Variants in APBA2 observed in about 807,000 individuals in gnomAD.
The protein encoded by APBA2 is amyloid-beta A4 precursor protein-binding family A member 2.
In APBA2, 30 loss-of-function variants were observed where a neutral mutation model predicts 75.0. That is an observed-to-expected ratio of 0.40 (90% CI 0.30 to 0.54). The LOEUF (loss-of-function observed/expected upper bound fraction) is 0.54. Ranked by LOEUF, APBA2 falls within the 20% of genes least tolerant of loss-of-function variation. APBA2 has a pLI of 0.49. For missense variants in APBA2, 801 were observed against 1,016.1 expected (o/e 0.79, Z 2.88); for synonymous variants, 444 against 409.6 (o/e 1.08, Z -1.01).
At chr15:28,968,492 CCTCT>C (rs2036860895) in intron 2 of APBA2, among the ~76,000 whole-genome samples, 3 of 152,262 alleles carry the variant, frequency 2.0e-5, no homozygotes, top group East Asian at 1.9e-4. Flanking sequence ...GTCCCTTTGT[CCTCT>C]CTCTCCTGCA....
At chr15:29,047,995 A>G (rs1180768343) in intron 3 of APBA2, among the ~76,000 whole-genome samples, 1 of 152,200 alleles carries the variant, frequency 6.6e-6, no homozygotes, top group African/African-American at 2.4e-5. Flanking sequence ...TAAGACTTCA[A>G]TAAATAGGAA....
At chr15:29,098,696 C>A in intron 9 of APBA2, 120 bp downstream of exon 9, 1 of 864,974 alleles carries the variant, frequency 1.2e-6, no homozygotes, top group Non-Finnish European at 1.9e-6. Flanking sequence ...CGCCCATCAA[C>A]CCAAGGCCCA....
At chr15:29,057,051 G>A (rs553509345) in intron 4 of APBA2, among the ~76,000 whole-genome samples, 3 of 152,276 alleles carry the variant, frequency 2.0e-5, no homozygotes, top group East Asian at 1.9e-4. Context: ...CCTCAAGCAG[G>A]TGCACAGGGT....
intron 4 of APBA2, among the ~76,000 whole-genome samples, chr15:29,057,960 C>G (rs2041974278): frequency 6.6e-6 from 1 of 152,168 alleles, no homozygotes; most frequent in Non-Finnish European, 1.5e-5. Flanking sequence ...GGTTTGGATG[C>G]ATTTCCATCT....
In APBA2 at chr15:29,054,104, T is replaced by C. The variant is rs773381805; in HGVS notation, c.220T>C (p.Ser74Pro). The C allele has an allele frequency of 6.2e-7, 1 of 1,614,114 alleles. No homozygotes were observed. Among genetic ancestry groups the C allele is most frequent in the East Asian group, 2.2e-5 (1 of 44,854 alleles). Residue 74 changes from serine (S) to proline (P), a missense_variant, in exon 4 of 15, where the codon TCT becomes CCT. Ser to Pro is a moderately conservative substitution (Grantham distance 74). Coordinates refer to ENST00000683413, the MANE Select transcript of APBA2 (RefSeq NM_001353788.2). This position sits in a 1 kb window ranked among gnomAD's most constrained non-coding sequence, Gnocchi z 6.1. ...HNHSPDGDSSSDYVNNTSEEE... is the reference protein window; with the variant it reads ...HNHSPDGDSSPDYVNNTSEEE... ...CCACAGCCCCGATGGGGACTCCAGC[T>C]CTGACTACGTGAACAACACCTCTGA... is the stretch of plus-strand genomic sequence containing the variant.
intron 2 of APBA2, among the ~76,000 whole-genome samples, chr15:28,937,813 C>T (rs1162354902): frequency 5.9e-5 from 9 of 152,032 alleles, no homozygotes; most frequent in South Asian, 2.1e-4. Flanking sequence ...CCCGCCACCA[C>T]GCCCGGCTAA....
intron 1 of APBA2, among the ~76,000 whole-genome samples, chr15:28,916,229 C>T (rs1378808401): frequency 0.052 from 7,891 of 152,178 alleles, 409 homozygotes; most frequent in East Asian, 0.31. Context: ...CCGTGGGTGC[C>T]TTCCTGGGGG....
chr15:29,006,462 A>C (rs2039120105), intron 3 of APBA2, among the ~76,000 whole-genome samples: 1 of 152,260 alleles, frequency 6.6e-6, no homozygotes, highest in African/African-American at 2.4e-5. Flanking sequence ...CAATATTGTT[A>C]AGATGTCAAT....
chr15:29,063,850 G>A (rs1430898716), intron 4 of APBA2, among the ~76,000 whole-genome samples: 4 of 152,028 alleles, frequency 2.6e-5, no homozygotes, highest in Non-Finnish European at 4.4e-5. Context: ...CTGTCCTCGG[G>A]AGTGACACAA....
At chr15:28,904,302 A>G (rs1399306676) in intron 1 of APBA2, among the ~76,000 whole-genome samples, 1 of 151,838 alleles carries the variant, frequency 6.6e-6, no homozygotes, top group Non-Finnish European at 1.5e-5. Context: ...CACTTTCCAC[A>G]CTCATGGACG....
intron 1 of APBA2, among the ~76,000 whole-genome samples, chr15:28,892,151 G>A (rs1198275462): frequency 6.6e-6 from 1 of 152,074 alleles, no homozygotes; most frequent in Admixed American, 6.6e-5. Flanking sequence ...CTCAGCTCAC[G>A]GCAAGCTCTG....
At chr15:28,932,706 C>T (rs779101090) in intron 2 of APBA2, among the ~76,000 whole-genome samples, 4 of 152,152 alleles carry the variant, frequency 2.6e-5, no homozygotes, top group East Asian at 1.9e-4. Context: ...CAGGTCCCAT[C>T]GTGGCTCCTG....
At chr15:29,025,750 G>A (rs574162548) in intron 3 of APBA2, among the ~76,000 whole-genome samples, 2 of 151,860 alleles carry the variant, frequency 1.3e-5, no homozygotes, top group African/African-American at 2.4e-5. Context: ...TCAGGAGTTC[G>A]AGGCCAGGCT....
chr15:29,116,792 C>A (rs919940278), intron 14 of APBA2, among the ~76,000 whole-genome samples: 15 of 152,170 alleles, frequency 9.9e-5, no homozygotes, highest in Admixed American at 9.2e-4. Context: ...TTTCTCACCC[C>A]TCGGGTGTCA....
intron 6 of APBA2, among the ~76,000 whole-genome samples, chr15:29,077,291 C>T (rs112193061): frequency 6.6e-6 from 1 of 152,156 alleles, no homozygotes; most frequent in South Asian, 2.1e-4. Flanking sequence ...GAGCTGGCAC[C>T]TCGTGAGCAG....
chr15:28,913,250 T>C (rs2033515017), intron 1 of APBA2, among the ~76,000 whole-genome samples: 1 of 152,204 alleles, frequency 6.6e-6, no homozygotes, highest in East Asian at 1.9e-4. Context: ...CACCAGGGCC[T>C]TCCCATCTGT....
rs138100498 is a variant in APBA2 at position 28,897,115 on chromosome 15, A to G, written c.-205+10837A>G. 6.1e-3 allele frequency among the ~76,000 whole-genome samples: 926 copies of G among 152,158 alleles called. 5 individuals carry two copies. The highest frequency in any genetic ancestry group is 8.5e-3 in the Non-Finnish European group (579 of 68,012). On this transcript the variant is annotated intron_variant, in intron 1 of 14. Coordinates refer to ENST00000683413, the MANE Select transcript of APBA2 (RefSeq NM_001353788.2). ...TCTATTTTAGCAAATGACTCATCTT[A>G]AAATAATGCACTATGTAATCAACAA...
chr15:29,116,318 C>T (rs866503678), intron 14 of APBA2, among the ~76,000 whole-genome samples: 2 of 152,118 alleles, frequency 1.3e-5, no homozygotes, highest in African/African-American at 2.4e-5. Flanking sequence ...TTTCCTGGCC[C>T]GTGTGTGTTT....
At chr15:28,975,264 C>G (rs900996557) in intron 2 of APBA2, among the ~76,000 whole-genome samples, 4 of 152,040 alleles carry the variant, frequency 2.6e-5, no homozygotes, top group African/African-American at 9.7e-5. Flanking sequence ...AGAATTCTAT[C>G]AAATCTTCAA....
Sources: gnomAD v4.1 joint callset for allele counts (sites outside exome capture counted in the v4.1 genomes callset) on GRCh38, gnomAD v4.1.1 for gene constraint, Gnocchi (gnomAD v3.1) non-coding constraint, MANE v1.5 for transcripts, NCBI Gene and HGNC (gene_info 2026-07-23, HGNC 2026-07-21) for gene names.